Variants in PGM1 observed in about 807,000 individuals in gnomAD.
PGM1 encodes the protein phosphoglucomutase 1, also known as phosphoglucomutase-1.
Under a neutral mutation model 55.6 loss-of-function variants are expected in PGM1, and 52 were observed. The ratio of observed to expected loss-of-function variants is 0.94; its 90% CI spans 0.75 to 1.18. The LOEUF is 1.18. PGM1 is among the 50% of genes most tolerant of loss of function. The pLI is 0.00. For synonymous variants in PGM1, 287 were observed against 271.7 expected (o/e 1.06, Z -0.55); for missense variants, 724 against 729.3 (o/e 0.99, Z 0.08).
chr1:63,607,145 C>T (rs1311597299), intron 1 of PGM1, among the ~76,000 whole-genome samples: 1 of 152,220 alleles, frequency 6.6e-6, no homozygotes, highest in African/African-American at 2.4e-5. Context: ...CCCCTTCAGC[C>T]TTAAGCAGCC....
At chr1:63,625,264 C>T (rs1330774664) in intron 1 of PGM1, among the ~76,000 whole-genome samples, 2 of 152,198 alleles carry the variant, frequency 1.3e-5, no homozygotes, top group Admixed American at 1.3e-4. Context: ...CTAAATAATA[C>T]ATTTAAGTGA....
intron 1 of PGM1, among the ~76,000 whole-genome samples, chr1:63,614,492 C>T (rs1464905544): frequency 2.0e-5 from 3 of 152,314 alleles, no homozygotes; most frequent in East Asian, 1.9e-4. Context: ...CCCACATTTA[C>T]CCACATGCTT....
chr1:63,633,022 C>A (rs1320056551), intron 4 of PGM1, among the ~76,000 whole-genome samples: 2 of 151,656 alleles, frequency 1.3e-5, no homozygotes, highest in African/African-American at 4.8e-5. Flanking sequence ...GACTCCGTCT[C>A]AAAAAAACAA....
chr1:63,612,923 C>T (rs1570479132), intron 1 of PGM1, among the ~76,000 whole-genome samples: 1 of 152,286 alleles, frequency 6.6e-6, no homozygotes, highest in African/African-American at 2.4e-5. Context: ...AAACTCGCCT[C>T]CTTGCTCAGA....
At chr1:63,597,445 G>A (rs1182395170) in intron 1 of PGM1, among the ~76,000 whole-genome samples, 2 of 152,194 alleles carry the variant, frequency 1.3e-5, no homozygotes, top group Non-Finnish European at 2.9e-5. Context: ...TCGAATGATA[G>A]GTGTGTTATC....
At chr1:63,603,618 G>C (rs964880718) in intron 1 of PGM1, among the ~76,000 whole-genome samples, 2 of 152,204 alleles carry the variant, frequency 1.3e-5, no homozygotes, top group Non-Finnish European at 2.9e-5. Flanking sequence ...CTATCATCTA[G>C]TTAATAGAGG....
rs61493241 is a variant in PGM1 at position 63,658,115 on chromosome 1, G to C, written c.1600-1471G>C. On this transcript the variant is annotated intron_variant, in intron 10 of 10. Transcript: ENST00000371084. ...GCAGCTGCTAGGCCATCAGCACTTT[G>C]TGGGGACTGCCCAAGCCCTAAGGGG... Among the ~76,000 whole-genome samples, 781 of 152,316 alleles carry C rather than the reference G, an allele frequency of 5.1e-3. 9 individuals are homozygous for C. Among genetic ancestry groups the C allele is most frequent in the African/African-American group, 0.018 (728 of 41,550 alleles).
At chr1:63,593,817 C>T in intron 1 of PGM1, 83 bp downstream of exon 1, 1 of 1,336,162 alleles carries the variant, frequency 7.5e-7, no homozygotes, top group Non-Finnish European at 9.5e-7. Flanking sequence ...TCGCTCGGGG[C>T]CGGCCGCTTC....
At chr1:63,644,249 G>A (rs897174625) in intron 7 of PGM1, among the ~76,000 whole-genome samples, 1 of 152,202 alleles carries the variant, frequency 6.6e-6, no homozygotes, top group African/African-American at 2.4e-5. Flanking sequence ...TGAAAGGGTA[G>A]AATTCCTGTC....
chr1:63,654,265 C>T (rs1437480023), intron 9 of PGM1, 67 bp from the exon 10 acceptor site: 7 of 1,480,610 alleles, frequency 4.7e-6, no homozygotes, highest in Non-Finnish European at 4.7e-6. Flanking sequence ...CAAATAGACC[C>T]CTCATAATTT....
intron 6 of PGM1, among the ~76,000 whole-genome samples, chr1:63,636,681 A>G (rs1262356392): frequency 6.6e-6 from 1 of 152,118 alleles, no homozygotes; most frequent in Non-Finnish European, 1.5e-5. Context: ...CAGAGAAAGG[A>G]CTGTTTTGTT....
In PGM1 at chr1:63,648,568, T is replaced by C. The variant is rs1386756786; in HGVS notation, c.1196T>C (p.Leu399Pro). ...GGACTGTGGGCTGTCCTTGCCTGGCTCTCCATCCTAGCCACCCGCAAGCAG... is the reference window on the plus strand; with the variant it reads ...GGACTGTGGGCTGTCCTTGCCTGGCCCTCCATCCTAGCCACCCGCAAGCAG... ...KDGLWAVLAW[L>P]SILATRKQSV... is the part of the protein sequence containing the mutation. Residue 399 changes from leucine (L) to proline (P), a missense_variant, in exon 8 of 11, where the codon CTC becomes CCC. By Grantham distance (98) the Leu-to-Pro change is moderately conservative. Coordinates refer to ENST00000371084, the MANE Select transcript of PGM1 (RefSeq NM_002633.3). 1.2e-6 allele frequency: 2 copies of C among 1,614,076 alleles called. No homozygotes were observed. Among genetic ancestry groups the C allele is most frequent in the Non-Finnish European group, 1.7e-6 (2 of 1,179,976 alleles).
intron 1 of PGM1, among the ~76,000 whole-genome samples, chr1:63,628,146 G>A (rs1410212401): frequency 2.0e-5 from 3 of 152,234 alleles, no homozygotes. Flanking sequence ...ACCATGGGAT[G>A]TAGAAAGCAC....
chr1:63,636,446 C>A, intron 6 of PGM1, 58 bp downstream of exon 6: 2 of 1,505,724 alleles, frequency 1.3e-6, no homozygotes, highest in East Asian at 2.3e-5. Flanking sequence ...CTTCACCATA[C>A]CCTTCACTGT....
chr1:63,594,788 C>CAAAAAAAAAAA (rs34661751), intron 1 of PGM1, among the ~76,000 whole-genome samples: 159 of 90,174 alleles, frequency 1.8e-3, no homozygotes, highest in East Asian at 3.7e-3. Context: ...CTAAAAAATA[C>CAAAAAAAAAAA]AAAAAAAAAA....
chr1:63,647,112 G>A (rs956568867), intron 7 of PGM1, among the ~76,000 whole-genome samples: 2 of 151,426 alleles, frequency 1.3e-5, no homozygotes, highest in Non-Finnish European at 2.9e-5. Context: ...GCATGGTGGC[G>A]GGCACCTATA....
At chr1:63,593,793 C>G (rs910981181) in intron 1 of PGM1, 59 bp downstream of exon 1, 2 of 1,491,324 alleles carry the variant, frequency 1.3e-6, no homozygotes, top group African/African-American at 1.4e-5. Flanking sequence ...ACGTGCGGCC[C>G]GCGGCGCCCT....
At chr1:63,644,057 G>C (rs1252726403) in intron 7 of PGM1, among the ~76,000 whole-genome samples, 1 of 152,240 alleles carries the variant, frequency 6.6e-6, no homozygotes, top group Non-Finnish European at 1.5e-5. Flanking sequence ...AGCCAGGACA[G>C]CTCCTGAGAT....
At chr1:63,640,497 A>G (rs1649485724) in intron 7 of PGM1, among the ~76,000 whole-genome samples, 1 of 152,192 alleles carries the variant, frequency 6.6e-6, no homozygotes, top group Admixed American at 6.5e-5. Context: ...TTACCACTAT[A>G]TATAATAATT....
Sources: gnomAD v4.1 joint callset for allele counts (sites outside exome capture counted in the v4.1 genomes callset) on GRCh38, gnomAD v4.1.1 for gene constraint, MANE v1.5 for transcripts, NCBI Gene and HGNC (gene_info 2026-07-23, HGNC 2026-07-21) for gene names.